LRFN5: variants seen among roughly 807,000 people sequenced by gnomAD.
The protein encoded by LRFN5 is leucine rich repeat and fibronectin type III domain containing 5.
Under a neutral mutation model 45.6 loss-of-function variants are expected in LRFN5, and 24 were observed. The observed-to-expected ratio is 0.53, with a 90% CI of 0.38 to 0.74. LRFN5 has a LOEUF of 0.74. LRFN5 is among the 30% of genes least tolerant of loss of function. The probability of loss-of-function intolerance (pLI) is 0.00; values close to 1 mark genes in which losing one functional copy is unlikely to be tolerated. For synonymous variants in LRFN5, 340 were observed against 313.8 expected, an observed-to-expected ratio of 1.08 and a Z score of -0.88; for missense variants, 776 against 861.5, an observed-to-expected ratio of 0.90 and a Z score of 1.24.
At chr14:41,694,899 A>G (rs906231486) in intron 1 of LRFN5, among the ~76,000 whole-genome samples, 1 of 151,930 alleles carries the variant, frequency 6.6e-6, no homozygotes, top group African/African-American at 2.4e-5. Flanking sequence ...GAAAAGTCCA[A>G]TGTCTCTCAG....
At chr14:41,673,444 G>T (rs1321589067) in intron 1 of LRFN5, among the ~76,000 whole-genome samples, 2 of 144,048 alleles carry the variant, frequency 1.4e-5, no homozygotes, top group South Asian at 2.2e-4. Flanking sequence ...CGGGCGGGGG[G>T]GCTGACCCCC....
chr14:41,873,153 C>G (rs1890074609), intron 2 of LRFN5, among the ~76,000 whole-genome samples: 1 of 151,986 alleles, frequency 6.6e-6, no homozygotes, highest in Admixed American at 6.6e-5. Context: ...TGTCCTGGGC[C>G]AAGAATTTTG....
chr14:41,722,387 G>A lies in LRFN5; in HGVS notation c.-196-44467G>A, dbSNP rs35792282. ...TGAGTTTCCATTTTGGTTAGTGACC[G>A]TTACCGGAGAGCTAGTGTGATCCAT... On this transcript the variant is annotated intron_variant, in intron 1 of 5. Transcript: ENST00000298119. 3.0e-3 allele frequency among the ~76,000 whole-genome samples: 463 copies of A among 152,136 alleles called. 2 individuals are homozygous for A. Among genetic ancestry groups the A allele is most frequent in the South Asian group, 9.1e-3 (44 of 4,820 alleles).
intron 2 of LRFN5, among the ~76,000 whole-genome samples, chr14:41,773,699 AG>A (rs1280319290): frequency 1.3e-5 from 2 of 152,184 alleles, no homozygotes; most frequent in Non-Finnish European, 2.9e-5. Context: ...TATGATAGTG[AG>A]GAAAAGCTAC....
chr14:41,681,036 C>T (rs1448326108), intron 1 of LRFN5, among the ~76,000 whole-genome samples: 1 of 151,488 alleles, frequency 6.6e-6, no homozygotes, highest in Non-Finnish European at 1.5e-5. Flanking sequence ...AAGGGATTAG[C>T]GAGTTTGAAT....
chr14:41,711,367 A>G (rs1034665394), intron 1 of LRFN5, among the ~76,000 whole-genome samples: 3 of 152,162 alleles, frequency 2.0e-5, no homozygotes, highest in African/African-American at 7.2e-5. Flanking sequence ...AGGACAGGGT[A>G]CAAAGCCAGG....
At chr14:41,751,812 G>A (rs1263071324) in intron 1 of LRFN5, among the ~76,000 whole-genome samples, 1 of 152,210 alleles carries the variant, frequency 6.6e-6, no homozygotes, top group Non-Finnish European at 1.5e-5. Flanking sequence ...TATACACAAT[G>A]TGCAGGTTTG....
At chr14:41,675,589 C>T (rs921423625) in intron 1 of LRFN5, among the ~76,000 whole-genome samples, 5 of 151,742 alleles carry the variant, frequency 3.3e-5, no homozygotes, top group Admixed American at 6.6e-5. Flanking sequence ...AGAGGGAGAC[C>T]GTGGAAAGAG....
At chr14:41,608,619 G>C (rs2138530869) in intron 1 of LRFN5, 57 bp downstream of exon 1, 2 of 152,744 alleles carry the variant, frequency 1.3e-5, no homozygotes, top group East Asian at 3.9e-4. Flanking sequence ...TGTTTCTAGT[G>C]TCTTATCTGC....
At chr14:41,722,694 G>C (rs771244336) in intron 1 of LRFN5, among the ~76,000 whole-genome samples, 2 of 152,026 alleles carry the variant, frequency 1.3e-5, no homozygotes, top group Middle Eastern at 3.4e-3. Context: ...TTTTATATTG[G>C]GCTGTGCAGT....
intron 2 of LRFN5, among the ~76,000 whole-genome samples, chr14:41,812,526 C>T (rs1027479756): frequency 1.3e-5 from 2 of 151,750 alleles, no homozygotes; most frequent in Non-Finnish European, 2.9e-5. Context: ...AGATTATTCT[C>T]AATTATATAT....
chr14:41,836,844 A>G (rs1888678705), intron 2 of LRFN5, among the ~76,000 whole-genome samples: 1 of 152,010 alleles, frequency 6.6e-6, no homozygotes, highest in East Asian at 1.9e-4. Context: ...CTTAATAGAA[A>G]TTTTCCTGTT....
intron 3 of LRFN5, 28 bp from the exon 4 acceptor site, chr14:41,891,222 T>C: frequency 6.3e-7 from 1 of 1,576,728 alleles, no homozygotes; most frequent in East Asian, 2.2e-5. Flanking sequence ...TTGTTATTAA[T>C]ATTAACACAA....
chr14:41,887,784 A>G lies in LRFN5; in HGVS notation c.1159A>G (p.Ile387Val), dbSNP rs1890629106. 6.2e-7 allele frequency: 1 copy of G among 1,613,940 alleles called. No homozygotes were observed. The highest frequency in any genetic ancestry group is 8.5e-7 in the Non-Finnish European group (1 of 1,179,984). ...TCACTTACTAAATAGTACAAACCAT[A>G]TCCATGAGCCTGATCCTGGTTCTTC... ...LPHLLNSTNHIHEPDPGSSDI... is the reference protein window; with the variant it reads ...LPHLLNSTNHVHEPDPGSSDI... Residue 387 changes from isoleucine (I) to valine (V), a missense_variant, in exon 3 of 6, where the codon ATC becomes GTC. Around this residue, in one of 2 missense-constraint regions of LRFN5, gnomAD observed 465 missense variants for 456.4 expected, o/e 1.02. Coordinates refer to ENST00000298119, the MANE Select transcript of LRFN5 (RefSeq NM_152447.5). The surrounding 1 kb of genome is among the most constrained non-coding windows in gnomAD (Gnocchi z 4.8).
chr14:41,613,439 A>C (rs1280229440), intron 1 of LRFN5, among the ~76,000 whole-genome samples: 1 of 152,052 alleles, frequency 6.6e-6, no homozygotes, highest in African/African-American at 2.4e-5. Flanking sequence ...AAATAAGAAA[A>C]TATATCTTTT....
At chr14:41,747,281 AACTT>A (rs1458913494) in intron 1 of LRFN5, among the ~76,000 whole-genome samples, 6 of 151,970 alleles carry the variant, frequency 3.9e-5, no homozygotes, top group African/African-American at 1.4e-4. Context: ...CTGATTGCAA[AACTT>A]ACTACAAAGT....
intron 1 of LRFN5, among the ~76,000 whole-genome samples, chr14:41,736,078 G>T (rs2138807441): frequency 6.6e-6 from 1 of 152,246 alleles, no homozygotes; most frequent in African/African-American, 2.4e-5. Context: ...GTGTGCATGT[G>T]TCTTTATAGT....
intron 2 of LRFN5, among the ~76,000 whole-genome samples, chr14:41,814,345 C>G (rs1319711311): frequency 2.0e-5 from 3 of 152,100 alleles, no homozygotes; most frequent in Non-Finnish European, 4.4e-5. Flanking sequence ...GGCTACACTT[C>G]ACTATAAAAG....
chr14:41,886,920 C>T lies in LRFN5; in HGVS notation c.295C>T (p.Arg99Ter), dbSNP rs985650289. Residue 99 changes from arginine to a stop codon, truncating the protein, a stop_gained, in exon 3 of 6, where the codon CGA becomes TGA. Coordinates refer to ENST00000298119, the MANE Select transcript of LRFN5 (RefSeq NM_152447.5). LOFTEE classifies it high-confidence loss of function. ...TACACCTCATGCTTTCGCTGACCTA[C>T]GAAATTTGAGGGCTTTGCATTTGAA... ...FITPHAFADL[R>*]NLRALHLNSN... 5.0e-6 allele frequency: 8 copies of T among 1,614,056 alleles called. No homozygotes were observed. The highest frequency in any genetic ancestry group is 2.2e-5 in the East Asian group (1 of 44,894).
Sources: allele counts gnomAD v4.1 joint callset (sites outside exome capture counted in the v4.1 genomes callset), GRCh38; gene constraint gnomAD v4.1.1; regional missense constraint gnomAD v4.1.1; non-coding constraint Gnocchi (gnomAD v3.1); transcripts MANE v1.5; gene names NCBI Gene and HGNC (gene_info 2026-07-23, HGNC 2026-07-21).